The following ADAM22 variants were observed in gnomAD, a reference collection of about 807,000 sequenced individuals.
ADAM22 encodes the protein disintegrin and metalloproteinase domain-containing protein 22.
Under a neutral mutation model 144.6 loss-of-function variants are expected in ADAM22, and 65 were observed. That is an observed-to-expected ratio of 0.45 (90% CI 0.37 to 0.55). ADAM22 has a LOEUF of 0.55. ADAM22 is among the 20% of genes least tolerant of loss of function. The pLI is 0.00. For synonymous variants in ADAM22, 391 were observed against 412.6 expected, an observed-to-expected ratio of 0.95 and a Z score of 0.63; for missense variants, 974 against 1,184.9, an observed-to-expected ratio of 0.82 and a Z score of 2.61.
intron 2 of ADAM22, among the ~76,000 whole-genome samples, chr7:87,954,562 T>G (rs982730730): frequency 9.9e-4 from 149 of 150,766 alleles, no homozygotes; most frequent in Non-Finnish European, 1.3e-3. Context: ...CTTTCTCTTT[T>G]GCTGCCCTTA....
intron 5 of ADAM22, among the ~76,000 whole-genome samples, chr7:88,111,667 T>A (rs1346214028): frequency 6.6e-6 from 1 of 152,218 alleles, no homozygotes; most frequent in Non-Finnish European, 1.5e-5. Flanking sequence ...TTTAGCTCAA[T>A]TGGTCTGTGA....
chr7:88,138,376 A>G (rs1833575069), intron 14 of ADAM22, among the ~76,000 whole-genome samples: 1 of 152,222 alleles, frequency 6.6e-6, no homozygotes, highest in East Asian at 1.9e-4. Flanking sequence ...CAGTGAAGTC[A>G]AATGGCTACC....
At chr7:88,071,243 G>A (rs1313093833) in intron 3 of ADAM22, among the ~76,000 whole-genome samples, 1 of 152,098 alleles carries the variant, frequency 6.6e-6, no homozygotes, top group Non-Finnish European at 1.5e-5. Flanking sequence ...AGGCTCAATG[G>A]TTTTAAGTTC....
At chr7:88,155,777 G>A (rs1839782098) in intron 21 of ADAM22, 110 bp from the exon 22 acceptor site, 1 of 1,305,802 alleles carries the variant, frequency 7.7e-7, no homozygotes, top group Non-Finnish European at 1.1e-6. Flanking sequence ...CATATGAGTA[G>A]ATAATATACT....
In ADAM22 at chr7:88,198,021, C is replaced by T. The variant is rs1850860571; in HGVS notation, c.*1530C>T. The T allele has an allele frequency of 6.6e-6, 1 of 152,160 alleles. No individual in the cohort carries two copies. Among genetic ancestry groups the T allele is most frequent in the South Asian group, 2.1e-4 (1 of 4,828 alleles). 9.4% of individuals were successfully genotyped at this position (152,160 alleles called of 1,614,324 possible). On this transcript the variant is annotated 3_prime_UTR_variant, in exon 32 of 32. Transcript: ENST00000413139. Reference sequence around the variant, plus strand: ...ATCTGTCATTCCAAAAGAAAGCTAGCTACCCTAGTGAGGCTGGAGATTGAT... The same window carrying T: ...ATCTGTCATTCCAAAAGAAAGCTAGTTACCCTAGTGAGGCTGGAGATTGAT...
At chr7:88,082,772 T>C (rs1479284956) in intron 4 of ADAM22, among the ~76,000 whole-genome samples, 1 of 151,820 alleles carries the variant, frequency 6.6e-6, no homozygotes, top group African/African-American at 2.4e-5. Flanking sequence ...GAAATGCAAA[T>C]CAAAACCACA....
At chr7:87,971,822 T>G (rs1320750975) in intron 2 of ADAM22, among the ~76,000 whole-genome samples, 1 of 152,226 alleles carries the variant, frequency 6.6e-6, no homozygotes, top group Non-Finnish European at 1.5e-5. Flanking sequence ...TCAGTGGTGT[T>G]GAATAATAAG....
Position 88,132,968 on chromosome 7 carries a change from G to C in ADAM22, c.1077+17G>C. ...GTGAATGAAGTAGGTGTGAACATCT[G>C]TACAATACAAAGTGGTATGATGGCT... On this transcript the variant is annotated intron_variant, in intron 12 of 31. Coordinates refer to ENST00000413139, the MANE Select transcript of ADAM22 (RefSeq NM_001324418.2). The C allele has an allele frequency of 1.2e-6, 2 of 1,610,282 alleles. No individual in the cohort carries two copies. The highest frequency in any genetic ancestry group is 1.7e-6 in the Non-Finnish European group (2 of 1,176,762).
chr7:88,128,022 A>T (rs1180386011), intron 8 of ADAM22, among the ~76,000 whole-genome samples: 1 of 151,838 alleles, frequency 6.6e-6, no homozygotes, highest in Non-Finnish European at 1.5e-5. Context: ...TCTAACAAAG[A>T]CCCCATGTCA....
chr7:88,080,364 T>A (rs58777958), intron 4 of ADAM22, among the ~76,000 whole-genome samples: 21,408 of 152,042 alleles, frequency 0.14, 2,320 homozygotes, highest in African/African-American at 0.29. Context: ...GAGGGAAATT[T>A]ATAGCACTAA....
chr7:88,131,181 TC>T, intron 10 of ADAM22, 87 bp from the exon 11 acceptor site: 5 of 1,122,480 alleles, frequency 4.5e-6, no homozygotes, highest in Non-Finnish European at 6.3e-6. Flanking sequence ...CAAAGAAGTT[TC>T]CATGAAAGGA....
chr7:88,059,485 G>A (rs1809166647), intron 3 of ADAM22, among the ~76,000 whole-genome samples: 1 of 152,114 alleles, frequency 6.6e-6, no homozygotes, highest in Admixed American at 6.5e-5. Context: ...CCTCAATACA[G>A]CAAATATCAC....
At chr7:88,150,861 G>A in intron 18 of ADAM22, 120 bp from the exon 19 acceptor site, 1 of 736,744 alleles carries the variant, frequency 1.4e-6, no homozygotes, top group South Asian at 2.2e-5. Context: ...TTGTTTTATA[G>A]ATGGTATAAG....
chr7:87,981,671 CT>C (rs1252095895), intron 3 of ADAM22, among the ~76,000 whole-genome samples: 2 of 152,082 alleles, frequency 1.3e-5, no homozygotes, highest in Non-Finnish European at 2.9e-5. Flanking sequence ...TTAGTTACCT[CT>C]TGCTTGCTTT....
chr7:87,994,012 T>C (rs1269406188), intron 3 of ADAM22, among the ~76,000 whole-genome samples: 2 of 152,164 alleles, frequency 1.3e-5, no homozygotes, highest in East Asian at 1.9e-4. Flanking sequence ...TAATAAATAA[T>C]AAAATTGTTT....
chr7:88,141,268 G>A (rs1416568821), intron 14 of ADAM22, among the ~76,000 whole-genome samples: 1 of 152,182 alleles, frequency 6.6e-6, no homozygotes, highest in Non-Finnish European at 1.5e-5. Flanking sequence ...TTAAATTCCT[G>A]TAGTATCTGG....
In ADAM22 at chr7:88,178,303, T is replaced by G. The variant is rs535909463; in HGVS notation, c.2301-632T>G. On this transcript the variant is annotated intron_variant, in intron 26 of 31. Transcript: ENST00000413139. ...CAACCTTTTCTTGCTCTTGTTAAAT[T>G]ATCTTCCTTCACATGTTCCACTGAA... Among the ~76,000 whole-genome samples the G allele has an allele frequency of 5.9e-5, 9 of 152,262 alleles. No individual in the cohort carries two copies. In the East Asian group the frequency reaches 1.5e-3, roughly 26 times the overall value.
chr7:88,021,703 G>C (rs1797864099), intron 3 of ADAM22, among the ~76,000 whole-genome samples: 1 of 152,098 alleles, frequency 6.6e-6, no homozygotes, highest in Non-Finnish European at 1.5e-5. Flanking sequence ...TGAATTTCAG[G>C]AATGACTGAA....
At chr7:88,159,051 A>G (rs1448259248) in intron 22 of ADAM22, among the ~76,000 whole-genome samples, 2 of 152,132 alleles carry the variant, frequency 1.3e-5, no homozygotes, top group African/African-American at 4.8e-5. Context: ...AAATTAATAC[A>G]TCAGAAACGA....
Sources: gnomAD v4.1 joint callset for allele counts (sites outside exome capture counted in the v4.1 genomes callset) on GRCh38, gnomAD v4.1.1 for gene constraint, MANE v1.5 for transcripts, NCBI Gene and HGNC (gene_info 2026-07-23, HGNC 2026-07-21) for gene names.